The following CNTNAP2 variants were observed in gnomAD, a reference collection of about 807,000 sequenced individuals.
CNTNAP2 encodes the protein contactin associated protein 2.
A neutral mutation model predicts 155.2 loss-of-function variants in CNTNAP2; 98 were observed. The ratio of observed to expected loss-of-function variants is 0.63; its 90% CI spans 0.54 to 0.75. The LOEUF is 0.75. Ranked by LOEUF, CNTNAP2 falls within the 30% of genes least tolerant of loss-of-function variation. The pLI is 0.00. For missense variants in CNTNAP2, 1,727 were observed against 1,688.1 expected, an observed-to-expected ratio of 1.02 and a Z score of -0.40; for synonymous variants, 651 against 631.2, an observed-to-expected ratio of 1.03 and a Z score of -0.47.
chr7:146,514,946 T>G (rs757298802), intron 1 of CNTNAP2, among the ~76,000 whole-genome samples: 2 of 152,080 alleles, frequency 1.3e-5, no homozygotes, highest in African/African-American at 2.4e-5. Context: ...ACCTCAATCC[T>G]AGGTTTGCCA....
intron 21 of CNTNAP2, among the ~76,000 whole-genome samples, chr7:148,327,872 A>AC (rs1797919697): frequency 6.6e-6 from 1 of 151,490 alleles, no homozygotes; most frequent in Admixed American, 6.6e-5. Context: ...TCTCATGGAG[A>AC]CCTAATCATC....
intron 3 of CNTNAP2, among the ~76,000 whole-genome samples, chr7:146,909,248 T>G (rs1041507569): frequency 5.5e-5 from 8 of 145,356 alleles, no homozygotes; most frequent in East Asian, 4.2e-4. Flanking sequence ...GTACCATTCC[T>G]TCTGAAACTA....
At chr7:146,769,284 G>T (rs903166438) in intron 1 of CNTNAP2, among the ~76,000 whole-genome samples, 1 of 152,088 alleles carries the variant, frequency 6.6e-6, no homozygotes, top group Non-Finnish European at 1.5e-5. Flanking sequence ...TTTTTCTTTC[G>T]CTCCTTCCCT....
At chr7:148,342,187 C>G (rs2116582661) in intron 21 of CNTNAP2, among the ~76,000 whole-genome samples, 1 of 152,344 alleles carries the variant, frequency 6.6e-6, no homozygotes, top group African/African-American at 2.4e-5. Context: ...GACTCGCCAC[C>G]AGGCTTCCAA....
At chr7:147,713,820 A>G (rs1304503880) in intron 13 of CNTNAP2, among the ~76,000 whole-genome samples, 1 of 152,170 alleles carries the variant, frequency 6.6e-6, no homozygotes, top group Non-Finnish European at 1.5e-5. Flanking sequence ...TAGTGGTATC[A>G]CATAATGGTT....
intron 13 of CNTNAP2, among the ~76,000 whole-genome samples, chr7:147,726,966 G>A (rs1352711410): frequency 2.6e-5 from 4 of 151,678 alleles, no homozygotes; most frequent in Non-Finnish European, 5.9e-5. Flanking sequence ...TTTTTTTGCT[G>A]TTTCACTGTT....
intron 1 of CNTNAP2, among the ~76,000 whole-genome samples, chr7:146,423,065 A>G (rs986219211): frequency 3.9e-5 from 6 of 152,056 alleles, no homozygotes; most frequent in Non-Finnish European, 7.4e-5. Flanking sequence ...TAATTATTGT[A>G]GTTAGCCACC....
At chr7:147,534,538 C>A (rs1799506571) in intron 11 of CNTNAP2, among the ~76,000 whole-genome samples, 1 of 152,032 alleles carries the variant, frequency 6.6e-6, no homozygotes, top group Admixed American at 6.5e-5. Context: ...TTGATGGTTT[C>A]GTAAAGTGAC....
At chr7:146,837,157 T>A (rs1803633614) in intron 2 of CNTNAP2, among the ~76,000 whole-genome samples, 1 of 152,100 alleles carries the variant, frequency 6.6e-6, no homozygotes, top group South Asian at 2.1e-4. Context: ...TCTGACCCAA[T>A]CTCTGTCATC....
At chr7:148,355,194 TTTTTTG>T in intron 21 of CNTNAP2, among the ~76,000 whole-genome samples, 1 of 123,226 alleles carries the variant, frequency 8.1e-6, no homozygotes, top group Non-Finnish European at 1.7e-5. Context: ...TTTTTTTTTT[TTTTTTG>T]AGACGGAGTC....
chr7:147,484,032 C>T (rs1798470405), intron 10 of CNTNAP2, among the ~76,000 whole-genome samples: 1 of 152,004 alleles, frequency 6.6e-6, no homozygotes, highest in Non-Finnish European at 1.5e-5. Flanking sequence ...CTTTGTTTAT[C>T]ATCCACTTGT....
At chr7:146,319,824 C>A (rs925685634) in intron 1 of CNTNAP2, among the ~76,000 whole-genome samples, 1 of 152,090 alleles carries the variant, frequency 6.6e-6, no homozygotes, top group Admixed American at 6.6e-5. Context: ...GCATTCCCAT[C>A]GTTCGGGCAT....
intron 15 of CNTNAP2, among the ~76,000 whole-genome samples, chr7:148,049,777 A>T (rs530938359): frequency 0.012 from 1,876 of 152,328 alleles, 46 homozygotes; most frequent in African/African-American, 0.043. Flanking sequence ...GATAATGATA[A>T]TATTTGACTA....
chr7:148,099,868 G>GC (rs1554472141), intron 15 of CNTNAP2, among the ~76,000 whole-genome samples: 2 of 88,806 alleles, frequency 2.3e-5, no homozygotes, highest in Non-Finnish European at 4.1e-5. Flanking sequence ...TTTTTTTTTG[G>GC]TTTTTTTTTT....
intron 1 of CNTNAP2, among the ~76,000 whole-genome samples, chr7:146,474,953 T>C (rs1796852775): frequency 1.3e-5 from 2 of 152,148 alleles, no homozygotes; most frequent in Admixed American, 1.3e-4. Flanking sequence ...CTTAGATCCC[T>C]AACCTGTAAA....
At chr7:147,154,188 A>G (rs549133372) in intron 8 of CNTNAP2, among the ~76,000 whole-genome samples, 1 of 152,284 alleles carries the variant, frequency 6.6e-6, no homozygotes, top group East Asian at 1.9e-4. Flanking sequence ...GTTTCTATGC[A>G]TTGGTAAAGG....
At chr7:147,269,088 T>C (rs1804681442) in intron 8 of CNTNAP2, among the ~76,000 whole-genome samples, 1 of 152,154 alleles carries the variant, frequency 6.6e-6, no homozygotes, top group African/African-American at 2.4e-5. Flanking sequence ...CTGGCTTCCC[T>C]TCCTTAGACG....
intron 16 of CNTNAP2, among the ~76,000 whole-genome samples, chr7:148,131,776 T>G (rs1231378606): frequency 2.0e-5 from 3 of 152,054 alleles, no homozygotes; most frequent in Non-Finnish European, 4.4e-5. Flanking sequence ...AGTCAGTCAG[T>G]GTGTGTTGCT....
intron 10 of CNTNAP2, among the ~76,000 whole-genome samples, chr7:147,439,589 TA>T: frequency 6.6e-6 from 1 of 152,170 alleles, no homozygotes; most frequent in Admixed American, 6.5e-5. Context: ...AAATATTTAT[TA>T]GATCCATTTG....
Sources: gnomAD v4.1 joint callset for allele counts (sites outside exome capture counted in the v4.1 genomes callset) on GRCh38, gnomAD v4.1.1 for gene constraint, MANE v1.5 for transcripts, NCBI Gene and HGNC (gene_info 2026-07-23, HGNC 2026-07-21) for gene names.